The following TMEFF2 variants were observed in gnomAD, a reference collection of about 807,000 sequenced individuals.
TMEFF2 encodes the protein transmembrane protein with EGF like and two follistatin like domains 2.
Under a neutral mutation model 53.8 loss-of-function variants are expected in TMEFF2, and 28 were observed. That is an observed-to-expected ratio of 0.52 (90% CI 0.39 to 0.71). The LOEUF is 0.71. TMEFF2 is among the 30% of genes least tolerant of loss of function. TMEFF2 has a pLI of 0.00. For synonymous variants in TMEFF2, 162 were observed against 166.3 expected, an observed-to-expected ratio of 0.97 and a Z score of 0.20; for missense variants, 353 against 455.2, an observed-to-expected ratio of 0.78 and a Z score of 2.04.
chr2:192,080,281 A>T (rs1480806140), intron 4 of TMEFF2, among the ~76,000 whole-genome samples: 1 of 152,130 alleles, frequency 6.6e-6, no homozygotes. Flanking sequence ...AGGTGGAGGT[A>T]ATTGAATCAT....
intron 4 of TMEFF2, among the ~76,000 whole-genome samples, chr2:192,137,967 C>T (rs768626641): frequency 6.6e-6 from 1 of 151,744 alleles, no homozygotes. Context: ...TATAGGCATG[C>T]GCCACCACAC....
At chr2:191,998,228 G>A in intron 7 of TMEFF2, 34 bp downstream of exon 7, 1 of 1,510,980 alleles carries the variant, frequency 6.6e-7, no homozygotes, top group Non-Finnish European at 9.0e-7. Context: ...TTTAATAGAA[G>A]AGCTCACATT....
chr2:192,083,010 C>CTG (rs1420494027), intron 4 of TMEFF2, among the ~76,000 whole-genome samples: 2 of 135,868 alleles, frequency 1.5e-5, no homozygotes, highest in Non-Finnish European at 3.1e-5. Context: ...CTGCGTTCTT[C>CTG]TGTGATGTTG....
At chr2:191,970,542 C>A (rs1207803805) in intron 7 of TMEFF2, among the ~76,000 whole-genome samples, 2 of 152,062 alleles carry the variant, frequency 1.3e-5, no homozygotes, top group African/African-American at 2.4e-5. Context: ...AAAGCTGGAA[C>A]AGCCCAGGAA....
chr2:192,037,398 A>G (rs1215894244), intron 5 of TMEFF2, among the ~76,000 whole-genome samples: 1 of 151,858 alleles, frequency 6.6e-6, no homozygotes, highest in Non-Finnish European at 1.5e-5. Context: ...AAATTAATGA[A>G]TAGAACCTCA....
At position 192,191,893 on chromosome 2, in the gene TMEFF2, A is replaced by T; in HGVS notation, c.269T>A (p.Val90Asp). 6.2e-7 allele frequency: 1 copy of T among 1,611,064 alleles called. No homozygotes were observed. The highest frequency in any genetic ancestry group is 2.2e-5 in the East Asian group (1 of 44,822). The change falls in exon 2 of 10, where the codon GTC (valine) becomes GAC (aspartate). Residue 90 changes from valine to aspartate, a missense_variant. By Grantham distance (152) the Val-to-Asp change is radical (BLOSUM62 -3). Around this residue, in one of 3 missense-constraint regions of TMEFF2, gnomAD observed 294 missense variants for 397.3 expected, o/e 0.74. Coordinates refer to ENST00000272771, the MANE Select transcript of TMEFF2 (RefSeq NM_016192.4). ...CLRIGDTVTC[V>D]CQFKCNNDYV... The stretch of plus-strand genomic sequence containing the variant: ...AAGACTTCTTACCTTGAACTGACAG[A>T]CGCAAGTCACAGTGTCTCCAATTCT...
intron 8 of TMEFF2, 102 bp from the exon 9 acceptor site, chr2:191,953,939 G>C: frequency 9.8e-7 from 1 of 1,025,178 alleles, no homozygotes; most frequent in Non-Finnish European, 1.3e-6. Flanking sequence ...GCCCAGGCTG[G>C]AGTGCAGTGG....
At chr2:192,012,454 C>T (rs1208478524) in intron 5 of TMEFF2, among the ~76,000 whole-genome samples, 1 of 152,146 alleles carries the variant, frequency 6.6e-6, no homozygotes, top group Non-Finnish European at 1.5e-5. Context: ...GATAGATTAT[C>T]ATCACACACA....
intron 4 of TMEFF2, among the ~76,000 whole-genome samples, chr2:192,060,842 A>C (rs1688027104): frequency 6.6e-6 from 1 of 152,192 alleles, no homozygotes; most frequent in Non-Finnish European, 1.5e-5. Flanking sequence ...TTGCAAAGTA[A>C]GATAATTATT....
chr2:192,077,617 C>G (rs749036880), intron 4 of TMEFF2, among the ~76,000 whole-genome samples: 1 of 151,722 alleles, frequency 6.6e-6, no homozygotes, highest in South Asian at 2.1e-4. Flanking sequence ...ACTTCTTGAT[C>G]GTTAAATCAA....
chr2:192,131,490 G>A (rs1689827523), intron 4 of TMEFF2, among the ~76,000 whole-genome samples: 2 of 152,034 alleles, frequency 1.3e-5, no homozygotes, highest in Admixed American at 6.6e-5. Flanking sequence ...TAGGGGGCAA[G>A]AACCCCCAAT....
intron 7 of TMEFF2, among the ~76,000 whole-genome samples, chr2:191,994,638 T>C (rs1041522531): frequency 6.6e-5 from 10 of 152,084 alleles, no homozygotes; most frequent in South Asian, 4.1e-4. Context: ...GTAAAACATT[T>C]GCTATTTAAA....
chr2:192,093,822 TAAAA>T (rs5837284), intron 4 of TMEFF2, among the ~76,000 whole-genome samples: 1 of 146,344 alleles, frequency 6.8e-6, no homozygotes, highest in African/African-American at 2.6e-5. Context: ...ATATATTTCT[TAAAA>T]AAAAAAGAAA....
intron 4 of TMEFF2, among the ~76,000 whole-genome samples, chr2:192,165,339 A>G (rs920718908): frequency 1.3e-4 from 20 of 152,064 alleles, no homozygotes; most frequent in African/African-American, 4.8e-4. Context: ...TGTGTCTCTT[A>G]TTTTCTTCAC....
At chr2:192,076,757 T>C (rs6434534) in intron 4 of TMEFF2, among the ~76,000 whole-genome samples, 62,932 of 152,052 alleles carry the variant, frequency 0.41, 14,909 homozygotes, top group South Asian at 0.55. Flanking sequence ...ATTTTGATAT[T>C]GTGGAACTCA....
At chr2:192,188,017 G>T (rs1236476502) in intron 2 of TMEFF2, among the ~76,000 whole-genome samples, 1 of 152,054 alleles carries the variant, frequency 6.6e-6, no homozygotes, top group African/African-American at 2.4e-5. Flanking sequence ...CAGATGTTAA[G>T]TCAATTCTGT....
intron 4 of TMEFF2, among the ~76,000 whole-genome samples, chr2:192,081,800 CT>C (rs900552541): frequency 0.038 from 4,951 of 130,258 alleles, 152 homozygotes; most frequent in African/African-American, 0.13. Context: ...AACGATTTCC[CT>C]TTTTTTTTTT....
At chr2:192,149,852 T>C (rs532552430) in intron 4 of TMEFF2, among the ~76,000 whole-genome samples, 27 of 152,118 alleles carry the variant, frequency 1.8e-4, no homozygotes, top group Admixed American at 1.2e-3. Flanking sequence ...TTGTTTATTG[T>C]TAAACACACA....
Position 191,949,242 on chromosome 2 carries a change from GT to G in TMEFF2, c.*1068del. On this transcript the variant is annotated 3_prime_UTR_variant, in exon 10 of 10. Transcript: ENST00000272771. Reference sequence around the variant, plus strand: ...AAATCCATACCAACTTCCCAGTGAGGTCTTTCAGATGCTATAGGATTAATTT... The same window carrying G: ...AAATCCATACCAACTTCCCAGTGAGGCTTTCAGATGCTATAGGATTAATTT... 1 of 985,290 alleles carries G rather than the reference GT, an allele frequency of 1.0e-6. No homozygotes were observed. Among genetic ancestry groups the G allele is most frequent in the Non-Finnish European group, 1.2e-6 (1 of 829,894 alleles). 61.0% of individuals were successfully genotyped at this position (985,290 alleles called of 1,614,324 possible).
Sources: gnomAD v4.1 joint callset for allele counts (sites outside exome capture counted in the v4.1 genomes callset) on GRCh38, gnomAD v4.1.1 for gene constraint, gnomAD v4.1.1 regional missense constraint, MANE v1.5 for transcripts, NCBI Gene and HGNC (gene_info 2026-07-23, HGNC 2026-07-21) for gene names.